TIMD4: variants seen among roughly 807,000 people sequenced by gnomAD.
The protein encoded by TIMD4 is T-cell immunoglobulin and mucin domain-containing protein 4.
A neutral mutation model predicts 41.2 loss-of-function variants in TIMD4; 31 were observed. The ratio of observed to expected loss-of-function variants is 0.75; its 90% CI spans 0.57 to 1.01. TIMD4 has a LOEUF of 1.01. TIMD4 is among the 50% of genes least tolerant of loss of function. The probability of loss-of-function intolerance (pLI) is 0.00; values close to 1 mark genes in which losing one functional copy is unlikely to be tolerated. For synonymous variants in TIMD4, 204 were observed against 177.1 expected, an observed-to-expected ratio of 1.15 and a Z score of -1.21; for missense variants, 479 against 472.5, an observed-to-expected ratio of 1.01 and a Z score of -0.13.
chr5:156,951,900 G>A, intron 2 of TIMD4, 110 bp from the exon 3 acceptor site: 1 of 1,435,096 alleles, frequency 7.0e-7, no homozygotes, highest in Non-Finnish European at 9.6e-7. Flanking sequence ...CTGGTCCACT[G>A]GCCTGGACGA....
intron 2 of TIMD4, among the ~76,000 whole-genome samples, chr5:156,953,078 A>G (rs1202505780): frequency 6.6e-6 from 1 of 152,228 alleles, no homozygotes; most frequent in Non-Finnish European, 1.5e-5. Context: ...GACCAGAAAG[A>G]CACCATTTGT....
intron 5 of TIMD4, among the ~76,000 whole-genome samples, chr5:156,939,983 C>T (rs574888797): frequency 6.6e-6 from 1 of 152,242 alleles, no homozygotes. Context: ...CTCCGTCTCC[C>T]GCTTTCCACG....
rs1016330972 is a variant in TIMD4 at position 156,942,124 on chromosome 5, A to G, written c.844+6292T>C. 3.3e-5 allele frequency among the ~76,000 whole-genome samples: 5 copies of G among 152,238 alleles called. No individual in the cohort carries two copies. In the South Asian group the frequency reaches 6.2e-4, roughly 19 times the overall value. On this transcript the variant is annotated intron_variant, in intron 5 of 8. Transcript: ENST00000274532. ...TTCATTTTTCCCAATTTGAATATTG[A>G]CAGCAAAGTCCTCGTGTGTTTTTCA...
intron 1 of TIMD4, among the ~76,000 whole-genome samples, chr5:156,957,499 C>T (rs1372523963): frequency 2.9e-5 from 2 of 70,108 alleles, no homozygotes; most frequent in African/African-American, 4.7e-5. Flanking sequence ...GGTGACAGAG[C>T]GAGAGTCTAT....
chr5:156,946,784 C>T (rs1216175379), intron 5 of TIMD4, among the ~76,000 whole-genome samples: 1 of 151,954 alleles, frequency 6.6e-6, no homozygotes, highest in Non-Finnish European at 1.5e-5. Flanking sequence ...CGCGCCTGGC[C>T]TCTTCTGAAT....
rs564933401 is a variant in TIMD4, at chr5:156,957,479, C to T, written c.59-2723G>A. Reference sequence around the variant, plus strand: ...AGTGAGGCGAGATTGTGCCATTGCACTCCAGCCTGGGTGACAGAGCGAGAG... The same window carrying T: ...AGTGAGGCGAGATTGTGCCATTGCATTCCAGCCTGGGTGACAGAGCGAGAG... On this transcript the variant is annotated intron_variant, in intron 1 of 8. Coordinates refer to ENST00000274532, the MANE Select transcript of TIMD4 (RefSeq NM_138379.3). Among the ~76,000 whole-genome samples the T allele has an allele frequency of 3.9e-4, 49 of 126,672 alleles. 1 individual carries two copies. The South Asian group carries it at 0.012, about 32-fold the overall frequency. The allele number at this position is 126,672 out of a possible 152,430, so 83.1% of individuals were successfully genotyped here.
chr5:156,924,333 C>A (rs1561543949), intron 6 of TIMD4: 2 of 347,546 alleles, frequency 5.8e-6, no homozygotes, highest in Non-Finnish European at 1.2e-5. Context: ...TTATCAAGAG[C>A]TATATAAAAG....
At position 156,925,502 on chromosome 5, in the gene TIMD4, G is replaced by C. The variant is rs1759330958; in HGVS notation, c.894+761C>G. On this transcript the variant is annotated intron_variant, in intron 6 of 8. Coordinates refer to ENST00000274532, the MANE Select transcript of TIMD4 (RefSeq NM_138379.3). ...TGTCTGAGAGAGAGATGGGGAAGAA[G>C]AAAGAGGGGATGGGGAAACTTTACT... Among the ~76,000 whole-genome samples the C allele has an allele frequency of 4.6e-5, 7 of 152,204 alleles. No individual in the cohort carries two copies. In the South Asian group the frequency reaches 1.2e-3, roughly 27 times the overall value.
chr5:156,941,906 C>T (rs1375971866), intron 5 of TIMD4, among the ~76,000 whole-genome samples: 1 of 152,176 alleles, frequency 6.6e-6, no homozygotes, highest in Non-Finnish European at 1.5e-5. Context: ...TGCCTTAACT[C>T]CATGGAAAGG....
At chr5:156,956,997 G>C (rs1759983371) in intron 1 of TIMD4, among the ~76,000 whole-genome samples, 1 of 151,532 alleles carries the variant, frequency 6.6e-6, no homozygotes, top group African/African-American at 2.4e-5. Context: ...CATATGGTAA[G>C]CAAGACTATG....
In TIMD4 at chr5:156,951,612, T is replaced by C. The variant is rs1561553203; in HGVS notation, c.579A>G (p.Thr193=). 3 of 1,614,142 alleles carry C rather than the reference T, an allele frequency of 1.9e-6. 1 individual carries two copies. In the South Asian group the frequency reaches 3.3e-5, roughly 18 times the overall value. Residue 193 remains threonine (T), a synonymous_variant, in exon 3 of 9, where the codon ACA becomes ACG. Transcript: ENST00000274532. ...LQMTTIAVFT[T]ANTCLSLTPS... Reference sequence around the variant, plus strand: ...GGGTTAGTGAAAGGCACGTGTTTGCTGTTGTGAAGACGGCAATGGTTGTCA... The same window carrying C: ...GGGTTAGTGAAAGGCACGTGTTTGCCGTTGTGAAGACGGCAATGGTTGTCA...
At chr5:156,957,021 T>C (rs974338901) in intron 1 of TIMD4, among the ~76,000 whole-genome samples, 1 of 152,018 alleles carries the variant, frequency 6.6e-6, no homozygotes, top group Non-Finnish European at 1.5e-5. Flanking sequence ...TTCTGGGGTT[T>C]TTCACAGTTG....
chr5:156,961,673 G>A (rs1753050846), intron 1 of TIMD4, among the ~76,000 whole-genome samples: 1 of 151,820 alleles, frequency 6.6e-6, no homozygotes, highest in Non-Finnish European at 1.5e-5. Context: ...CATGGTGGCA[G>A]GCGCCCATAG....
chr5:156,949,192 A>G (rs1759804325), intron 4 of TIMD4, among the ~76,000 whole-genome samples: 1 of 152,216 alleles, frequency 6.6e-6, no homozygotes, highest in South Asian at 2.1e-4. Context: ...AGATGACAGG[A>G]TAAATAATGA....
rs186851813 is a variant in TIMD4, at chr5:156,962,224, T to C, written c.58+917A>G. 1.0e-3 allele frequency among the ~76,000 whole-genome samples: 157 copies of C among 152,328 alleles called. 2 individuals are homozygous for C. Among genetic ancestry groups the C allele is most frequent in the African/African-American group, 2.9e-3 (121 of 41,570 alleles). On this transcript the variant is annotated intron_variant, in intron 1 of 8. Coordinates refer to ENST00000274532, the MANE Select transcript of TIMD4 (RefSeq NM_138379.3). ...ATAGTGGGGTGCCTATTGTTATTAA[T>C]AATTTCTTGTGTATTTCAAAATAAC... is the stretch of plus-strand genomic sequence containing the variant.
In TIMD4 at chr5:156,919,524, T is replaced by C; in HGVS notation, c.1070A>G (p.Asp357Gly). The C allele has an allele frequency of 1.2e-6, 2 of 1,613,958 alleles. No homozygotes were observed. Among genetic ancestry groups the C allele is most frequent in the Non-Finnish European group, 1.7e-6 (2 of 1,179,900 alleles). ...QKHTRLDYIGDSKNVLNDVQH... is the reference protein window; with the variant it reads ...QKHTRLDYIGGSKNVLNDVQH... Reference sequence around the variant, plus strand: ...CACGTCATTGAGGACATTTTTACTATCTCCAATGTAGTCTAGCCTGTAAAC... The same window carrying C: ...CACGTCATTGAGGACATTTTTACTACCTCCAATGTAGTCTAGCCTGTAAAC... Residue 357 changes from aspartate to glycine, a missense_variant, in exon 9 of 9, where the codon GAT becomes GGT. Physicochemically the swap from Asp to Gly is moderately conservative, Grantham distance 94. Transcript: ENST00000274532.
intron 5 of TIMD4, 77 bp downstream of exon 5, chr5:156,948,339 G>C: frequency 1.3e-6 from 1 of 781,144 alleles, no homozygotes; most frequent in Non-Finnish European, 1.7e-6. Flanking sequence ...AAAAAAAAAA[G>C]CAAGATTCTG....
chr5:156,925,777 C>T (rs1185912897), intron 6 of TIMD4, among the ~76,000 whole-genome samples: 1 of 152,172 alleles, frequency 6.6e-6, no homozygotes, highest in African/African-American at 2.4e-5. Context: ...GTTATTTCTG[C>T]CAAGAGTACA....
At chr5:156,941,061 T>G (rs1310254070) in intron 5 of TIMD4, among the ~76,000 whole-genome samples, 1 of 152,168 alleles carries the variant, frequency 6.6e-6, no homozygotes, top group Non-Finnish European at 1.5e-5. Context: ...AACTCAGGGT[T>G]AAATGGATTA....
Sources: allele counts gnomAD v4.1 joint callset (sites outside exome capture counted in the v4.1 genomes callset), GRCh38; gene constraint gnomAD v4.1.1; transcripts MANE v1.5; gene names NCBI Gene and HGNC (gene_info 2026-07-23, HGNC 2026-07-21).